GALNT13: variants seen among roughly 807,000 people sequenced by gnomAD.
GALNT13 encodes the protein polypeptide N-acetylgalactosaminyltransferase 13.
Under a neutral mutation model 64.2 loss-of-function variants are expected in GALNT13, and 28 were observed. That is an observed-to-expected ratio of 0.44 (90% CI 0.32 to 0.60). The LOEUF is 0.60. Ranked by LOEUF, GALNT13 falls within the 20% of genes least tolerant of loss-of-function variation. The pLI is 0.05. For missense variants in GALNT13, 577 were observed against 669.8 expected, an observed-to-expected ratio of 0.86 and a Z score of 1.53; for synonymous variants, 214 against 224.6, an observed-to-expected ratio of 0.95 and a Z score of 0.42.
chr2:153,456,834 T>C, the GALNT13 span, among the ~76,000 whole-genome samples: 1 of 152,030 alleles, frequency 6.6e-6, no homozygotes, highest in African/African-American at 2.4e-5. Context: ...TAACTATGAG[T>C]GTTAGCAAAA....
At chr2:153,427,482 AT>A in the GALNT13 span, among the ~76,000 whole-genome samples, 70 of 152,046 alleles carry the variant, frequency 4.6e-4, no homozygotes, top group Admixed American at 9.8e-4. Flanking sequence ...ATTAATAAAG[AT>A]TTAGCTAAGA....
the GALNT13 span, among the ~76,000 whole-genome samples, chr2:153,140,061 G>A: frequency 1.5e-4 from 23 of 151,924 alleles, no homozygotes; most frequent in Non-Finnish European, 1.9e-4. Flanking sequence ...GAGGACATCA[G>A]GTCTGGCATT....
At chr2:153,919,807 A>G (rs1003541143) in intron 2 of GALNT13, among the ~76,000 whole-genome samples, 1 of 151,678 alleles carries the variant, frequency 6.6e-6, no homozygotes, top group African/African-American at 2.4e-5. Flanking sequence ...GTCATTTCAT[A>G]TATAATCTTT....
intron 9 of GALNT13, among the ~76,000 whole-genome samples, chr2:154,305,288 A>G (rs1169891926): frequency 1.3e-5 from 2 of 151,978 alleles, no homozygotes; most frequent in Admixed American, 1.3e-4. Context: ...GTTTGTAAAG[A>G]GAGAATCTGG....
At chr2:154,091,004 G>T (rs750946372) in intron 3 of GALNT13, among the ~76,000 whole-genome samples, 1 of 151,564 alleles carries the variant, frequency 6.6e-6, no homozygotes, top group African/African-American at 2.4e-5. Flanking sequence ...CCTCAGGAAG[G>T]CCCAATTGTT....
chr2:154,365,087 A>T (rs1402762208), intron 9 of GALNT13, among the ~76,000 whole-genome samples: 2 of 152,208 alleles, frequency 1.3e-5, no homozygotes, highest in Non-Finnish European at 2.9e-5. Context: ...TCACATGAAA[A>T]TTAGCATCCC....
At chr2:153,594,827 G>C in the GALNT13 span, among the ~76,000 whole-genome samples, 2 of 152,022 alleles carry the variant, frequency 1.3e-5, no homozygotes, top group African/African-American at 2.4e-5. Flanking sequence ...AATCGCTTCT[G>C]CCGTCATCTA....
the GALNT13 span, among the ~76,000 whole-genome samples, chr2:153,778,455 C>G: frequency 6.6e-6 from 1 of 152,214 alleles, no homozygotes; most frequent in Non-Finnish European, 1.5e-5. Flanking sequence ...TTTAAAGAAC[C>G]ATGCCCTTCC....
intron 3 of GALNT13, among the ~76,000 whole-genome samples, chr2:153,978,580 G>A (rs1324803871): frequency 2.0e-5 from 3 of 152,030 alleles, no homozygotes; most frequent in Non-Finnish European, 4.4e-5. Flanking sequence ...GTTTATCAGG[G>A]GTTTCTGCTT....
the GALNT13 span, among the ~76,000 whole-genome samples, chr2:153,212,895 A>T: frequency 2.4e-3 from 372 of 152,338 alleles, no homozygotes; most frequent in Non-Finnish European, 4.2e-3. Flanking sequence ...GGTTATTTCA[A>T]GTTATGTTGC....
rs934395170 is a variant in GALNT13, at chr2:154,451,537, C to T, written c.*986C>T. The T allele has an allele frequency of 6.6e-6, 1 of 151,998 alleles. No homozygotes were observed. Among genetic ancestry groups the T allele is most frequent in the African/African-American group, 2.4e-5 (1 of 41,406 alleles). 9.4% of individuals were successfully genotyped at this position (151,998 alleles called of 1,614,324 possible). A position where few individuals can be genotyped will look rare whatever the true frequency, so the allele number is the denominator to read the frequency against. The stretch of plus-strand genomic sequence containing the variant: ...TTTTCATTTTCTATGTTAAAGAATA[C>T]CTTTCAGTGCTGTGCTCCAGTATCT... On this transcript the variant is annotated 3_prime_UTR_variant, in exon 13 of 13. Transcript: ENST00000392825.
the GALNT13 span, among the ~76,000 whole-genome samples, chr2:153,112,665 C>T: frequency 1.3e-5 from 2 of 152,008 alleles, no homozygotes. Flanking sequence ...AATTAAAGAG[C>T]GTGTTGAATT....
At chr2:153,513,847 G>T in the GALNT13 span, among the ~76,000 whole-genome samples, 90 of 152,192 alleles carry the variant, frequency 5.9e-4, no homozygotes, top group Admixed American at 5.5e-3. Context: ...CTCCAGCTGC[G>T]GTTTTCTGTG....
chr2:154,298,600 TG>T (rs1331658671), intron 8 of GALNT13, among the ~76,000 whole-genome samples: 3 of 2,282 alleles, frequency 1.3e-3, no homozygotes, highest in Non-Finnish European at 0.011. Context: ...ATATATACAA[TG>T]TATATATTAA....
At chr2:153,501,060 C>A in the GALNT13 span, among the ~76,000 whole-genome samples, 15 of 134,022 alleles carry the variant, frequency 1.1e-4, no homozygotes, top group South Asian at 3.9e-3. Flanking sequence ...CCCAAAGTTA[C>A]CAGTAAAAAA....
chr2:153,685,111 T>G, the GALNT13 span, among the ~76,000 whole-genome samples: 77 of 152,092 alleles, frequency 5.1e-4, no homozygotes, highest in Middle Eastern at 0.02. Context: ...AGTGCTGCAA[T>G]GAACATATGT....
intron 2 of GALNT13, among the ~76,000 whole-genome samples, chr2:153,912,181 G>T (rs997537075): frequency 6.6e-6 from 1 of 151,906 alleles, no homozygotes; most frequent in Non-Finnish European, 1.5e-5. Context: ...TCTTTACTCA[G>T]CTTGGTCTAA....
At chr2:153,556,500 A>G in the GALNT13 span, among the ~76,000 whole-genome samples, 2 of 152,202 alleles carry the variant, frequency 1.3e-5, no homozygotes, top group Non-Finnish European at 2.9e-5. Flanking sequence ...TTCCTTACTA[A>G]TTCTTAGCAC....
At chr2:153,264,747 A>G in the GALNT13 span, among the ~76,000 whole-genome samples, 1 of 152,324 alleles carries the variant, frequency 6.6e-6, no homozygotes, top group East Asian at 1.9e-4. Context: ...GTAGCTGAAC[A>G]GTGAGAACAC....
Sources: allele counts gnomAD v4.1 joint callset (sites outside exome capture counted in the v4.1 genomes callset), GRCh38; gene constraint gnomAD v4.1.1; transcripts MANE v1.5; gene names NCBI Gene and HGNC (gene_info 2026-07-23, HGNC 2026-07-21).